Variants in LHX4 observed in about 807,000 individuals in gnomAD.
LHX4 encodes LIM homeobox 4, also known as LIM/homeobox protein Lhx4.
A neutral mutation model predicts 39.2 loss-of-function variants in LHX4; 16 were observed. The ratio of observed to expected loss-of-function variants is 0.41; its 90% CI spans 0.28 to 0.62. The LOEUF (loss-of-function observed/expected upper bound fraction) is 0.62. Ranked by LOEUF, LHX4 falls within the 20% of genes least tolerant of loss-of-function variation. The pLI, the probability that LHX4 is intolerant of heterozygous loss-of-function variation, is 0.33. For synonymous variants in LHX4, 206 were observed against 198.1 expected (o/e 1.04, Z -0.33); for missense variants, 439 against 511.9 (o/e 0.86, Z 1.37).
At chr1:180,229,407 G>A (rs148896787), upstream of LHX4, among the ~76,000 whole-genome samples, 4,401 of 152,178 alleles carry the variant, frequency 0.029, 234 homozygotes, top group African/African-American at 0.1. Flanking sequence ...TGCAGGCCGC[G>A]GTCTGCGGGG....
intron 1 of LHX4, among the ~76,000 whole-genome samples, chr1:180,239,153 G>A (rs1204178023): frequency 6.6e-6 from 1 of 152,202 alleles, no homozygotes; most frequent in Non-Finnish European, 1.5e-5. Flanking sequence ...TGTTTAGGCA[G>A]GTGTGCCACA....
At chr1:180,239,507 T>C (rs1158929837) in intron 1 of LHX4, among the ~76,000 whole-genome samples, 1 of 152,228 alleles carries the variant, frequency 6.6e-6, no homozygotes, top group Non-Finnish European at 1.5e-5. Flanking sequence ...TTTTTGGAAA[T>C]ACATATTGGC....
intron 2 of LHX4, among the ~76,000 whole-genome samples, chr1:180,250,838 G>A (rs1179926287): frequency 2.0e-5 from 3 of 152,260 alleles, no homozygotes; most frequent in Admixed American, 2.0e-4. Flanking sequence ...CAGGAAAGAG[G>A]GTCTCCCTAG....
chr1:180,275,299 C>T lies in LHX4; in HGVS notation c.*720C>T, dbSNP rs60852985. Reference sequence around the variant, plus strand: ...GTGACTGAGGCTGAGCTGAGTAGCCCTGGACCACCGCTGCAGATTGCCTGA... The same window carrying T: ...GTGACTGAGGCTGAGCTGAGTAGCCTTGGACCACCGCTGCAGATTGCCTGA... On this transcript the variant is annotated 3_prime_UTR_variant, in exon 6 of 6. Coordinates refer to ENST00000263726, the MANE Select transcript of LHX4 (RefSeq NM_033343.4). The T allele has an allele frequency of 6.6e-6, 1 of 152,218 alleles. No individual in the cohort carries two copies. Among genetic ancestry groups the T allele is most frequent in the Non-Finnish European group, 1.5e-5 (1 of 68,054 alleles). The allele number at this position is 152,218 out of a possible 1,614,324, so 9.4% of individuals were successfully genotyped here.
intron 2 of LHX4, among the ~76,000 whole-genome samples, chr1:180,265,287 A>T (rs1476277608): frequency 6.6e-6 from 1 of 152,170 alleles, no homozygotes; most frequent in African/African-American, 2.4e-5. Context: ...GTCATGAATA[A>T]TTAGGTTGAT....
At position 180,266,974 on chromosome 1, in the gene LHX4, A is replaced by G. The variant is rs1355778884; in HGVS notation, c.451+380A>G. 1.3e-5 allele frequency among the ~76,000 whole-genome samples: 2 copies of G among 152,146 alleles called. No homozygotes were observed. On this transcript the variant is annotated intron_variant, in intron 3 of 5. Coordinates refer to ENST00000263726, the MANE Select transcript of LHX4 (RefSeq NM_033343.4). This position sits in a 1 kb window ranked among gnomAD's most constrained non-coding sequence, Gnocchi z 5.7. ...TATTGGACACGTGGGGCTGCCGCTT[A>G]GTTTTGCACATCAGGGTGCACATGG...
At chr1:180,256,388 C>T (rs933794235) in intron 2 of LHX4, among the ~76,000 whole-genome samples, 7 of 152,284 alleles carry the variant, frequency 4.6e-5, no homozygotes, top group East Asian at 1.9e-4. Context: ...CGGAGGCCTT[C>T]GTGTCTCTGG....
rs1664202735 is a variant in LHX4, at chr1:180,232,333, C to G, written c.76+1728C>G. ...AGGACGATGGTCTCTGCTCTGACGG[C>G]CTTTCTTGTGATGAGTGACACTCTG... On this transcript the variant is annotated intron_variant, in intron 1 of 5. Transcript: ENST00000263726. This position sits in a 1 kb window ranked among gnomAD's most constrained non-coding sequence, Gnocchi z 5.4. Among the ~76,000 whole-genome samples the G allele has an allele frequency of 6.6e-6, 1 of 152,192 alleles. No individual in the cohort carries two copies. Among genetic ancestry groups the G allele is most frequent in the Non-Finnish European group, 1.5e-5 (1 of 68,028 alleles).
chr1:180,267,100 G>T (rs2794961), intron 3 of LHX4, among the ~76,000 whole-genome samples: 115,323 of 152,220 alleles, frequency 0.76, 43,774 homozygotes, highest in East Asian at 0.96. Context: ...TGTTCGCCTC[G>T]CAGACTGTGG....
At chr1:180,247,422 T>G (rs1277194513) in intron 1 of LHX4, among the ~76,000 whole-genome samples, 1 of 152,144 alleles carries the variant, frequency 6.6e-6, no homozygotes, top group African/African-American at 2.4e-5. Flanking sequence ...CCCCCAGAAT[T>G]TCACTGCTTC....
upstream of LHX4, among the ~76,000 whole-genome samples, chr1:180,229,964 A>AGGCGGGGGGGGG (rs1553278096): frequency 1.4e-5 from 1 of 73,486 alleles, no homozygotes; most frequent in African/African-American, 9.0e-5. Context: ...GGAGGCGGGG[A>AGGCGGGGGGGGG]GGGGGGGGGG....
intron 2 of LHX4, among the ~76,000 whole-genome samples, chr1:180,256,702 T>C (rs357064): frequency 0.26 from 38,955 of 152,080 alleles, 5,510 homozygotes; most frequent in East Asian, 0.56. Context: ...GTGTGGGTTC[T>C]GGGCCCCAAA....
Position 180,274,661 on chromosome 1 carries a change from T to C in LHX4, c.*82T>C. 7.0e-7 allele frequency: 1 copy of C among 1,429,992 alleles called. No homozygotes were observed. Among genetic ancestry groups the C allele is most frequent in the Non-Finnish European group, 9.3e-7 (1 of 1,069,714 alleles). 88.6% of individuals were successfully genotyped at this position (1,429,992 alleles called of 1,614,324 possible). On this transcript the variant is annotated 3_prime_UTR_variant, in exon 6 of 6. Coordinates refer to ENST00000263726, the MANE Select transcript of LHX4 (RefSeq NM_033343.4). ...TCAAAAGAGACTTGCCTTTTAAGGA[T>C]CGAAAGTACGCCAATGTGAATTTCC... is the stretch of plus-strand genomic sequence containing the variant.
At chr1:180,268,437 A>G (rs1648426529) in intron 3 of LHX4, among the ~76,000 whole-genome samples, 2 of 152,184 alleles carry the variant, frequency 1.3e-5, no homozygotes, top group African/African-American at 2.4e-5. Context: ...TTATCGAGGA[A>G]TATTTGCACC....
Position 180,230,527 on chromosome 1 carries a change from G to C in LHX4, c.-3G>C. The C allele has an allele frequency of 1.2e-6, 2 of 1,613,536 alleles. No individual in the cohort carries two copies. Among genetic ancestry groups the C allele is most frequent in the Non-Finnish European group, 8.5e-7 (1 of 1,179,722 alleles). ...ACTGCGACTCGCTGGCTTTCGCTCC[G>C]AGATGATGCAGAGTGCGACTGTCCC... On this transcript the variant is annotated 5_prime_UTR_variant, in exon 1 of 6. Transcript: ENST00000263726. This position sits in a 1 kb window ranked among gnomAD's most constrained non-coding sequence, Gnocchi z 5.8.
chr1:180,254,910 G>A (rs1036551078), intron 2 of LHX4, among the ~76,000 whole-genome samples: 1 of 152,234 alleles, frequency 6.6e-6, no homozygotes, highest in Non-Finnish European at 1.5e-5. Context: ...AAAGAAGACA[G>A]CAGGAGGGCC....
rs928767390 is a variant in LHX4 at position 180,278,580 on chromosome 1, G to C, written c.*4001G>C. 3.9e-5 allele frequency: 6 copies of C among 152,086 alleles called. 1 individual carries two copies. Among genetic ancestry groups the C allele is most frequent in the Admixed American group, 3.9e-4 (6 of 15,274 alleles). 9.4% of individuals were successfully genotyped at this position (152,086 alleles called of 1,614,324 possible). On this transcript the variant is annotated 3_prime_UTR_variant, in exon 6 of 6. Transcript: ENST00000263726. ...TAGGGAGGCAGAGCACAGGTGAACAGAGGAAGGACACCCCCACTCTCATCT... is the reference window on the plus strand; with the variant it reads ...TAGGGAGGCAGAGCACAGGTGAACACAGGAAGGACACCCCCACTCTCATCT...
At chr1:180,272,284 C>T (rs928842143) in intron 5 of LHX4, among the ~76,000 whole-genome samples, 2 of 152,154 alleles carry the variant, frequency 1.3e-5, no homozygotes, top group Non-Finnish European at 2.9e-5. Flanking sequence ...TGACTGGGGC[C>T]TCCCTCATCA....
intron 1 of LHX4, among the ~76,000 whole-genome samples, chr1:180,238,835 G>C (rs1277380093): frequency 1.3e-5 from 2 of 152,192 alleles, no homozygotes; most frequent in Non-Finnish European, 2.9e-5. Flanking sequence ...AAAGAGCCAG[G>C]GTTGGGGGGC....
Sources: gnomAD v4.1 joint callset for allele counts (sites outside exome capture counted in the v4.1 genomes callset) on GRCh38, gnomAD v4.1.1 for gene constraint, Gnocchi (gnomAD v3.1) non-coding constraint, MANE v1.5 for transcripts, NCBI Gene and HGNC (gene_info 2026-07-23, HGNC 2026-07-21) for gene names.